The following RBM33 variants were observed in gnomAD, a reference collection of about 807,000 sequenced individuals.
RBM33 encodes the protein RNA binding motif protein 33.
RBM33 carries 28 observed loss-of-function variants against 132.6 expected under a neutral mutation model. The observed-to-expected ratio is 0.21, with a 90% confidence interval of 0.16 to 0.29. The LOEUF (loss-of-function observed/expected upper bound fraction) is 0.29, where lower values mean the gene tolerates loss of function less well. Ranked by LOEUF, RBM33 falls within the 10% of genes least tolerant of loss-of-function variation. The probability of loss-of-function intolerance (pLI) is 1.00; values close to 1 mark genes in which losing one functional copy is unlikely to be tolerated. For missense variants in RBM33, 1,291 were observed against 1,518.5 expected (o/e 0.85, Z 2.49); for synonymous variants, 634 against 593.0 (o/e 1.07, Z -1.01).
intron 1 of RBM33, 150 bp downstream of exon 1, chr7:155,645,069 T>C: frequency 1.8e-6 from 1 of 540,948 alleles, no homozygotes; most frequent in South Asian, 2.5e-5. Flanking sequence ...TCCCTCGCCT[T>C]CCCTCGCTAT....
intron 5 of RBM33, among the ~76,000 whole-genome samples, chr7:155,696,731 A>G (rs1012327601): frequency 6.6e-6 from 1 of 152,172 alleles, no homozygotes; most frequent in Non-Finnish European, 1.5e-5. Context: ...TTTTATTTCC[A>G]TTTGACTGGT....
chr7:155,735,424 GC>G (rs1294078399), intron 9 of RBM33, among the ~76,000 whole-genome samples: 1 of 152,180 alleles, frequency 6.6e-6, no homozygotes, highest in African/African-American at 2.4e-5. Context: ...AAGAATATTG[GC>G]CAGGTGTTGT....
At chr7:155,705,895 G>T (rs1417093593) in intron 6 of RBM33, among the ~76,000 whole-genome samples, 1 of 152,196 alleles carries the variant, frequency 6.6e-6, no homozygotes, top group Non-Finnish European at 1.5e-5. Flanking sequence ...GCTCTCATTT[G>T]ATTTGGCTTC....
chr7:155,745,372 A>G lies in RBM33; in HGVS notation c.2749A>G (p.Arg917Gly). 6.2e-7 allele frequency: 1 copy of G among 1,613,336 alleles called. No homozygotes were observed. The highest frequency in any genetic ancestry group is 8.5e-7 in the Non-Finnish European group (1 of 1,179,594). The change falls in exon 14 of 18, where the codon AGA (arginine) becomes GGA (glycine). Residue 917 changes from arginine to glycine, a missense_variant. By Grantham distance (125) the Arg-to-Gly change is moderately radical. Coordinates refer to ENST00000401878, the MANE Select transcript of RBM33 (RefSeq NM_053043.3). This position sits in a 1 kb window ranked among gnomAD's most constrained non-coding sequence, Gnocchi z 4.1. ...AGCACTGAAACATTTGAGACAGACC[A>G]GAACAGTTCCTCAAAGTCAGACTCA... Reference protein sequence around the residue: ...MKALKHLRQTRTVPQSQTQPL... With the variant: ...MKALKHLRQTGTVPQSQTQPL...
chr7:155,778,661 G>A lies in RBM33; in HGVS notation c.*3620G>A, dbSNP rs922568300. On this transcript the variant is annotated 3_prime_UTR_variant, in exon 18 of 18. Coordinates refer to ENST00000401878, the MANE Select transcript of RBM33 (RefSeq NM_053043.3). The surrounding 1 kb of genome is among the most constrained non-coding windows in gnomAD (Gnocchi z 4.0). ...GATCAGCTGGGACAGTTCAGGTAGG[G>A]CAGGTGAGGGACCCCCGAGGCCCTG... 6.6e-6 allele frequency: 1 copy of A among 152,318 alleles called. No homozygotes were observed. The highest frequency in any genetic ancestry group is 1.5e-5 in the Non-Finnish European group (1 of 68,138). The allele number at this position is 152,318 out of a possible 1,614,324, so 9.4% of individuals were successfully genotyped here.
chr7:155,725,685 A>C (rs2117004175), intron 9 of RBM33, among the ~76,000 whole-genome samples: 1 of 152,294 alleles, frequency 6.6e-6, no homozygotes, highest in South Asian at 2.1e-4. Context: ...GAAATAATGT[A>C]AGTAGTCTTT....
rs1390163794 is a variant in RBM33, at chr7:155,680,572, T to A, written c.249-18T>A. The stretch of plus-strand genomic sequence containing the variant: ...CTCTTCATTGGGTGCTTTTTTTTTT[T>A]ATTTTCGTCCTCTCTAGTTCTCAGG... On this transcript the variant is annotated intron_variant, in intron 4 of 17. Transcript: ENST00000401878. 1.1e-5 allele frequency: 16 copies of A among 1,500,394 alleles called. No individual in the cohort carries two copies. The highest frequency in any genetic ancestry group is 7.2e-5 in the Admixed American group (3 of 41,914). The allele number at this position is 1,500,394 out of a possible 1,614,324, so 92.9% of individuals were successfully genotyped here. A position where few individuals can be genotyped will look rare whatever the true frequency, so the allele number is the denominator to read the frequency against.
At chr7:155,709,101 C>G (rs1212496851) in intron 7 of RBM33, among the ~76,000 whole-genome samples, 1 of 151,976 alleles carries the variant, frequency 6.6e-6, no homozygotes, top group Non-Finnish European at 1.5e-5. Flanking sequence ...GATGTACTCT[C>G]TTATCTTCTA....
At chr7:155,742,158 A>T in intron 13 of RBM33, 52 bp downstream of exon 13, 1 of 1,511,936 alleles carries the variant, frequency 6.6e-7, no homozygotes, top group South Asian at 1.3e-5. Flanking sequence ...GAAGCCTTAG[A>T]ATCAACTTGG....
chr7:155,720,028 G>T (rs1800573708), intron 9 of RBM33, among the ~76,000 whole-genome samples: 1 of 152,150 alleles, frequency 6.6e-6, no homozygotes, highest in African/African-American at 2.4e-5. Flanking sequence ...GATAATAAAA[G>T]AACATTTTTG....
chr7:155,653,910 G>T (rs900626594), intron 1 of RBM33, among the ~76,000 whole-genome samples: 2 of 152,184 alleles, frequency 1.3e-5, no homozygotes, highest in Non-Finnish European at 2.9e-5. Flanking sequence ...CTGAAGTGGG[G>T]CAGCCTTGTG....
At position 155,738,321 on chromosome 7, in the gene RBM33, G is replaced by A. The variant is rs772023806; in HGVS notation, c.1655G>A (p.Arg552Gln). 1.7e-5 allele frequency: 28 copies of A among 1,613,784 alleles called. No individual in the cohort carries two copies. Among genetic ancestry groups the A allele is most frequent in the African/African-American group, 4.0e-5 (3 of 74,890 alleles). Residue 552 changes from arginine (R) to glutamine (Q), a missense_variant, in exon 11 of 18, where the codon CGG becomes CAG. Arg to Gln is a conservative substitution (Grantham distance 43). Coordinates refer to ENST00000401878, the MANE Select transcript of RBM33 (RefSeq NM_053043.3). The stretch of plus-strand genomic sequence containing the variant: ...AGCCAGCCTGGGTCGGCAACCACAC[G>A]GCCCTTCATTCCTCCTAGACAGCCG... ...HFSQPGSATTRPFIPPRQPFL... is the reference protein window; with the variant it reads ...HFSQPGSATTQPFIPPRQPFL...
chr7:155,739,812 C>CCCCCCCCG lies in RBM33; in HGVS notation c.1835_1836insCCCCCCCG (p.His613ProfsTer40). ...CAGCACCAGCCTCCGCACCAGCCCC[C>CCCCCCCCG]GCACCAGCCCCCGCCCCAGCACCAG... is the stretch of plus-strand genomic sequence containing the variant. On this transcript the variant is annotated frameshift_variant, in exon 12 of 18. Transcript: ENST00000401878. LOFTEE classifies it high-confidence loss of function. 7.4e-7 allele frequency: 1 copy of CCCCCCCCG among 1,343,074 alleles called. No homozygotes were observed. The highest frequency in any genetic ancestry group is 1.0e-6 in the Non-Finnish European group (1 of 974,362). The allele number at this position is 1,343,074 out of a possible 1,614,324, so 83.2% of individuals were successfully genotyped here.
At chr7:155,685,098 T>A (rs1799439133) in intron 5 of RBM33, 1 of 1,532,458 alleles carries the variant, frequency 6.5e-7, no homozygotes, top group African/African-American at 1.4e-5. Context: ...GCTGTTTCCC[T>A]CCCCCAGACT....
chr7:155,729,373 C>A (rs1180350195), intron 9 of RBM33, among the ~76,000 whole-genome samples: 1 of 152,104 alleles, frequency 6.6e-6, no homozygotes, highest in Non-Finnish European at 1.5e-5. Context: ...CTTCTCCCAG[C>A]TGCAGGGTGA....
At chr7:155,724,644 G>A (rs749792423) in intron 9 of RBM33, among the ~76,000 whole-genome samples, 7 of 152,160 alleles carry the variant, frequency 4.6e-5, no homozygotes, top group Non-Finnish European at 8.8e-5. Context: ...GTTTCGCCTA[G>A]TGCCTACAGT....
chr7:155,766,793 G>A (rs1301754183), intron 16 of RBM33, 138 bp downstream of exon 16: 1 of 798,326 alleles, frequency 1.3e-6, no homozygotes, highest in Non-Finnish European at 2.0e-6. Flanking sequence ...CAAATAACCT[G>A]TTGTGCATAC....
rs1290591335 is a variant in RBM33, at chr7:155,776,927, G to A, written c.*1886G>A. ...CAGCTGCGTTGGAGTGGTGACTTTG[G>A]TAGCCCTTGAGCTCTAATTAAGAGA... is the stretch of plus-strand genomic sequence containing the variant. On this transcript the variant is annotated 3_prime_UTR_variant, in exon 18 of 18. Transcript: ENST00000401878. This position sits in a 1 kb window ranked among gnomAD's most constrained non-coding sequence, Gnocchi z 4.0. 6.6e-6 allele frequency: 1 copy of A among 152,148 alleles called. No individual in the cohort carries two copies. The highest frequency in any genetic ancestry group is 1.5e-5 in the Non-Finnish European group (1 of 68,046). The allele number at this position is 152,148 out of a possible 1,614,324, so 9.4% of individuals were successfully genotyped here. A position where few individuals can be genotyped will look rare whatever the true frequency, so the allele number is the denominator to read the frequency against.
At chr7:155,762,036 C>T (rs1050109180) in intron 14 of RBM33, among the ~76,000 whole-genome samples, 10 of 152,222 alleles carry the variant, frequency 6.6e-5, no homozygotes, top group Non-Finnish European at 8.8e-5. Context: ...CCGACTGCTG[C>T]GTAGCTTAGT....
Sources: allele counts gnomAD v4.1 joint callset (sites outside exome capture counted in the v4.1 genomes callset), GRCh38; gene constraint gnomAD v4.1.1; non-coding constraint Gnocchi (gnomAD v3.1); transcripts MANE v1.5; gene names NCBI Gene and HGNC (gene_info 2026-07-23, HGNC 2026-07-21).